The following COP1 variants were observed in gnomAD, a reference collection of about 807,000 sequenced individuals.
COP1 encodes COP1 E3 ubiquitin ligase, also known as E3 ubiquitin-protein ligase COP1.
Under a neutral mutation model 101.3 loss-of-function variants are expected in COP1, and 24 were observed. That is an observed-to-expected ratio of 0.24 (90% CI 0.17 to 0.33). COP1 has a LOEUF of 0.33. Among genes scored for constraint, COP1 ranks in the 10% least tolerant of loss-of-function variants. The pLI is 1.00. For missense variants in COP1, 663 were observed against 906.2 expected (o/e 0.73, Z 3.45); for synonymous variants, 347 against 341.9 (o/e 1.01, Z -0.17).
At chr1:176,108,015 G>C (rs1485744500) in intron 9 of COP1, among the ~76,000 whole-genome samples, 1 of 122,218 alleles carries the variant, frequency 8.2e-6, no homozygotes, top group Admixed American at 9.8e-5. Flanking sequence ...AAGTCATTCA[G>C]AATTGGTCCT....
intron 2 of COP1, among the ~76,000 whole-genome samples, chr1:176,177,126 A>G (rs1697065597): frequency 6.6e-6 from 1 of 152,160 alleles, no homozygotes; most frequent in Admixed American, 6.5e-5. Context: ...AATGCTATAC[A>G]GCCATCCAAT....
chr1:176,140,679 A>T (rs1690540081), intron 6 of COP1, among the ~76,000 whole-genome samples: 1 of 152,222 alleles, frequency 6.6e-6, no homozygotes, highest in Non-Finnish European at 1.5e-5. Flanking sequence ...AAGTCCAAGA[A>T]TGTTTTAAAG....
At chr1:176,163,124 C>A (rs1694585465) in intron 4 of COP1, 136 bp from the exon 5 acceptor site, 1 of 773,994 alleles carries the variant, frequency 1.3e-6, no homozygotes, top group Non-Finnish European at 1.9e-6. Context: ...TCCAAACTAC[C>A]CCTTCCTAGC....
At chr1:176,052,392 G>GTA (rs1208589116) in intron 11 of COP1, among the ~76,000 whole-genome samples, 1 of 152,152 alleles carries the variant, frequency 6.6e-6, no homozygotes, top group African/African-American at 2.4e-5. Context: ...ATTCACAGAA[G>GTA]TATATATTGG....
chr1:176,103,451 T>C (rs1250011945), intron 9 of COP1, among the ~76,000 whole-genome samples: 1 of 152,182 alleles, frequency 6.6e-6, no homozygotes, highest in East Asian at 1.9e-4. Context: ...TCTAGGATGA[T>C]CAGGAGAGCA....
chr1:176,117,878 G>A (rs558127421), intron 8 of COP1, among the ~76,000 whole-genome samples: 2 of 152,104 alleles, frequency 1.3e-5, no homozygotes, highest in African/African-American at 4.8e-5. Flanking sequence ...CTGGGCAACA[G>A]AGCAAGACTC....
intron 11 of COP1, among the ~76,000 whole-genome samples, chr1:176,073,095 C>T (rs935557003): frequency 1.3e-5 from 2 of 152,086 alleles, no homozygotes; most frequent in African/African-American, 2.4e-5. Flanking sequence ...GGACAAGTTA[C>T]AAAATTTCTA....
At chr1:176,026,012 T>C (rs1667602720) in intron 15 of COP1, among the ~76,000 whole-genome samples, 1 of 152,122 alleles carries the variant, frequency 6.6e-6, no homozygotes, top group Non-Finnish European at 1.5e-5. Context: ...GAAAGTCTGA[T>C]AAGAATCCCA....
At chr1:176,205,737 T>C (rs1700775222) in intron 1 of COP1, among the ~76,000 whole-genome samples, 3 of 152,242 alleles carry the variant, frequency 2.0e-5, no homozygotes, top group Admixed American at 2.0e-4. Context: ...CTATCCCAAA[T>C]GTCATGACTA....
chr1:175,974,553 A>G (rs1485329647), intron 18 of COP1, among the ~76,000 whole-genome samples: 1 of 152,238 alleles, frequency 6.6e-6, no homozygotes. Flanking sequence ...ATGAAATAAA[A>G]TAACAATGAT....
At chr1:176,205,026 T>C (rs1449303136) in intron 1 of COP1, among the ~76,000 whole-genome samples, 1 of 152,218 alleles carries the variant, frequency 6.6e-6, no homozygotes, top group Non-Finnish European at 1.5e-5. Flanking sequence ...CGACAGTGAA[T>C]GTCATACAAG....
At chr1:176,008,691 T>C (rs1664036840) in intron 15 of COP1, among the ~76,000 whole-genome samples, 1 of 152,186 alleles carries the variant, frequency 6.6e-6, no homozygotes, top group Non-Finnish European at 1.5e-5. Context: ...AACTGTGGAC[T>C]CGGTTCTTCC....
intron 18 of COP1, among the ~76,000 whole-genome samples, chr1:175,979,405 A>C (rs1655288988): frequency 2.6e-5 from 4 of 152,026 alleles, no homozygotes; most frequent in African/African-American, 9.7e-5. Context: ...AGTTTACTGA[A>C]ATCTGATGTT....
intron 11 of COP1, among the ~76,000 whole-genome samples, chr1:176,079,245 C>T (rs1351386122): frequency 7.9e-5 from 12 of 151,964 alleles, no homozygotes; most frequent in Admixed American, 7.9e-4. Flanking sequence ...TCTTGGTGGC[C>T]ATCAATGGTG....
intron 9 of COP1, among the ~76,000 whole-genome samples, chr1:176,099,505 G>GTCTCTCTCTCTCTCTCTC (rs145354415): frequency 7.0e-6 from 1 of 143,790 alleles, no homozygotes; most frequent in African/African-American, 2.6e-5. Context: ...GAGCATATTT[G>GTCTCTCTCTCTCTCTCTC]TCTCTCTCTC....
At chr1:176,200,007 T>C (rs1017435476) in intron 1 of COP1, among the ~76,000 whole-genome samples, 2 of 152,204 alleles carry the variant, frequency 1.3e-5, no homozygotes, top group Admixed American at 6.5e-5. Flanking sequence ...CCATTTGTAA[T>C]AGTGGTTAAG....
chr1:176,170,506 G>C (rs913241324), intron 3 of COP1, among the ~76,000 whole-genome samples: 1 of 152,172 alleles, frequency 6.6e-6, no homozygotes, highest in African/African-American at 2.4e-5. Context: ...CAGGTGCATT[G>C]TCAATGAGCA....
chr1:176,173,324 G>GAAA (rs11396126), intron 3 of COP1, among the ~76,000 whole-genome samples: 24,487 of 93,232 alleles, frequency 0.26, 3,904 homozygotes, highest in Non-Finnish European at 0.33. Context: ...AAAACAAAAT[G>GAAA]AAAAAAAAAA....
At chr1:176,110,394 T>G (rs1431577567) in intron 9 of COP1, among the ~76,000 whole-genome samples, 3 of 152,222 alleles carry the variant, frequency 2.0e-5, no homozygotes, top group Non-Finnish European at 4.4e-5. Flanking sequence ...ACTGGACTTC[T>G]GAACTATGTA....
Sources: gnomAD v4.1 joint callset for allele counts (sites outside exome capture counted in the v4.1 genomes callset) on GRCh38, gnomAD v4.1.1 for gene constraint, MANE v1.5 for transcripts, NCBI Gene and HGNC (gene_info 2026-07-23, HGNC 2026-07-21) for gene names.